The following SEC16B variants were observed in gnomAD, a reference collection of about 807,000 sequenced individuals.
SEC16B encodes the protein SEC16 homolog B, endoplasmic reticulum export factor, also known as protein transport protein Sec16B.
A neutral mutation model predicts 141.8 loss-of-function variants in SEC16B; 115 were observed. The ratio of observed to expected loss-of-function variants is 0.81; its 90% confidence interval spans 0.70 to 0.95. The LOEUF is 0.95. Among genes scored for constraint, SEC16B ranks in the 40% least tolerant of loss-of-function variants. The pLI, the probability that SEC16B is intolerant of heterozygous loss-of-function variation, is 0.00. For missense variants in SEC16B, 1,291 were observed against 1,312.3 expected, an observed-to-expected ratio of 0.98 and a Z score of 0.25; for synonymous variants, 493 against 492.5, an observed-to-expected ratio of 1.00 and a Z score of -0.01.
At chr1:177,932,844 T>C (rs769613501) in intron 22 of SEC16B, 38 bp from the exon 23 acceptor site, 1 of 1,565,142 alleles carries the variant, frequency 6.4e-7, no homozygotes, top group South Asian at 1.2e-5. Context: ...TTGGCAACAT[T>C]GGCAGTTAAC....
At chr1:177,942,775 G>A (rs1260258979) in intron 15 of SEC16B, among the ~76,000 whole-genome samples, 1 of 152,140 alleles carries the variant, frequency 6.6e-6, no homozygotes, top group Non-Finnish European at 1.5e-5. Flanking sequence ...GGCAGGGCAG[G>A]ATCAAGTGTG....
At chr1:177,980,899 T>C (rs1654382860) in intron 1 of SEC16B, among the ~76,000 whole-genome samples, 1 of 151,914 alleles carries the variant, frequency 6.6e-6, no homozygotes, top group Non-Finnish European at 1.5e-5. Context: ...ACAGACATGA[T>C]GAGGGCTAAG....
At chr1:177,953,002 C>CTTT in intron 11 of SEC16B, among the ~76,000 whole-genome samples, 2 of 99,176 alleles carry the variant, frequency 2.0e-5, no homozygotes, top group East Asian at 8.1e-4. Context: ...ATGGAAGTGT[C>CTTT]ATTTTTTTTT....
intron 1 of SEC16B, among the ~76,000 whole-genome samples, chr1:177,979,670 T>C (rs960941885): frequency 6.6e-6 from 1 of 152,224 alleles, no homozygotes; most frequent in Non-Finnish European, 1.5e-5. Context: ...CTGATAAAGA[T>C]ATACCCAAGC....
rs553253834 is a variant in SEC16B at position 177,940,085 on chromosome 1, TA to T, written c.2128-309del. Among the ~76,000 whole-genome samples the T allele has an allele frequency of 2.8e-3, 430 of 152,234 alleles. 3 individuals carry two copies. The highest frequency in any genetic ancestry group is 7.6e-3 in the Admixed American group (116 of 15,288). ...GAAGGGGTAGAGGCTGTGTGTGCTT[TA>T]AAAAATCCACCCTGTCTTTTCTTCA... On this transcript the variant is annotated intron_variant, in intron 17 of 25. Coordinates refer to ENST00000308284, the MANE Select transcript of SEC16B (RefSeq NM_033127.4).
chr1:177,936,216 T>C (rs536796003), intron 20 of SEC16B, 82 bp downstream of exon 20: 13 of 1,088,656 alleles, frequency 1.2e-5, no homozygotes, highest in Admixed American at 8.0e-5. Context: ...GGAGCTTGCA[T>C]GTGGCTGGGA....
chr1:177,933,253 G>T lies in SEC16B; in HGVS notation c.2784C>A (p.Pro928=). Residue 928 remains proline, a synonymous_variant, in exon 22 of 26, where the codon CCC becomes CCA. Transcript: ENST00000308284. ...FRSKPTKNAS[P]AGDEDSSDSP... ...TGTCTGAGGAGTCCTCGTCTCCAGCGGGGGATGCGTTCTTGGTGGGCTTCG... is the reference window on the plus strand; with the variant it reads ...TGTCTGAGGAGTCCTCGTCTCCAGCTGGGGATGCGTTCTTGGTGGGCTTCG... The T allele has an allele frequency of 6.3e-7, 1 of 1,597,392 alleles. No individual in the cohort carries two copies. Among genetic ancestry groups the T allele is most frequent in the Non-Finnish European group, 8.5e-7 (1 of 1,171,756 alleles).
chr1:177,946,489 A>G lies in SEC16B; in HGVS notation c.1706T>C (p.Met569Thr), dbSNP rs889765531. The G allele has an allele frequency of 4.4e-6, 7 of 1,585,324 alleles. No individual in the cohort carries two copies. The highest frequency in any genetic ancestry group is 6.0e-6 in the Non-Finnish European group (7 of 1,166,384). ...GTAGTGGCCAAAGGGCACGTGAGCC[A>G]TGAGATAGCAGAAGTGAGCTGCCTC... ...LVEAAHFCYLMAHVPFGHYTV... is the reference protein window; with the variant it reads ...LVEAAHFCYLTAHVPFGHYTV... The change falls in exon 14 of 26, where the codon ATG (methionine) becomes ACG (threonine). Residue 569 changes from methionine to threonine, a missense_variant. This residue lies in a region of SEC16B where 605 missense variants were observed against 614.1 expected (regional missense o/e 0.99). Coordinates refer to ENST00000308284, the MANE Select transcript of SEC16B (RefSeq NM_033127.4).
rs116746965 is a variant in SEC16B, at chr1:177,958,199, G to C, written c.1298C>G (p.Pro433Arg). 51 of 1,597,976 alleles carry C rather than the reference G, an allele frequency of 3.2e-5. No individual in the cohort carries two copies. The highest frequency in any genetic ancestry group is 1.1e-4 in the African/African-American group (8 of 74,494). ...GATCTGCGCAGGTGTCTCCACACTG[G>C]GGGGGATCTCTCCCGTGAGCAGGTT... is the stretch of plus-strand genomic sequence containing the variant. Reference protein sequence around the residue: ...TPNLLTGEIPPSVETPAQIVE... With the variant: ...TPNLLTGEIPRSVETPAQIVE... The change falls in exon 10 of 26, where the codon CCC becomes CGC. Residue 433 changes from proline (P) to arginine (R), a missense_variant. Pro to Arg is a moderately radical substitution (Grantham distance 103). Coordinates refer to ENST00000308284, the MANE Select transcript of SEC16B (RefSeq NM_033127.4).
At chr1:177,958,476 T>G (rs1652803866) in intron 9 of SEC16B, 114 bp from the exon 10 acceptor site, 1 of 775,874 alleles carries the variant, frequency 1.3e-6, no homozygotes, top group African/African-American at 1.8e-5. Context: ...AAGCCAATTA[T>G]GCAAACATAA....
At chr1:177,971,484 A>G (rs1039160646), upstream of SEC16B, 1 of 152,244 alleles carries the variant, frequency 6.6e-6, no homozygotes, top group African/African-American at 2.4e-5. Context: ...AAGAACATGC[A>G]CATTAACAGC....
At chr1:177,940,549 G>C (rs2101918402) in intron 17 of SEC16B, 61 bp downstream of exon 17, 1 of 1,179,328 alleles carries the variant, frequency 8.5e-7, no homozygotes, top group East Asian at 2.4e-5. Flanking sequence ...TCCATGTCTA[G>C]GGGTGGGAAG....
rs559062917 is a variant in SEC16B, at chr1:177,968,091, C to G, written c.-58-52G>C. The G allele has an allele frequency of 6.0e-4, 659 of 1,104,302 alleles. 3 individuals carry two copies. Among genetic ancestry groups the G allele is most frequent in the Middle Eastern group, 5.0e-3 (16 of 3,222 alleles). The allele number at this position is 1,104,302 out of a possible 1,614,324, so 68.4% of individuals were successfully genotyped here. ...TCATCACTTGAAGCCTATATCCAAACATAGTGGTTGATTAGGTTTTGTGAA... is the reference window on the plus strand; with the variant it reads ...TCATCACTTGAAGCCTATATCCAAAGATAGTGGTTGATTAGGTTTTGTGAA... On this transcript the variant is annotated intron_variant, in intron 1 of 25. Coordinates refer to ENST00000308284, the MANE Select transcript of SEC16B (RefSeq NM_033127.4).
chr1:177,944,197 T>G (rs1231767429), intron 15 of SEC16B, among the ~76,000 whole-genome samples: 1 of 151,942 alleles, frequency 6.6e-6, no homozygotes, highest in African/African-American at 2.4e-5. Flanking sequence ...GCGCTCCCAC[T>G]CCCTCCCACA....
In SEC16B at chr1:177,936,304, T is replaced by C; in HGVS notation, c.2565A>G (p.Lys855=). 1 of 1,609,858 alleles carries C rather than the reference T, an allele frequency of 6.2e-7. No individual in the cohort carries two copies. Among genetic ancestry groups the C allele is most frequent in the Non-Finnish European group, 8.5e-7 (1 of 1,178,272 alleles). ...TTATGCTGTGCGCTCTCACCTGTGG[T>C]TTGGAAATGACCTCTTGGCCATCAG... ...QPPDGQEVIS[K]PQTPLAARPR... Residue 855 remains lysine, a synonymous_variant, in exon 20 of 26, where the codon AAA becomes AAG. Coordinates refer to ENST00000308284, the MANE Select transcript of SEC16B (RefSeq NM_033127.4).
chr1:177,946,029 T>G, intron 14 of SEC16B: 1 of 403,880 alleles, frequency 2.5e-6, no homozygotes, highest in East Asian at 4.0e-5. Flanking sequence ...TTTCCAGTTT[T>G]GCCTGGGTAG....
At chr1:177,949,610 C>A (rs1046294540) in intron 12 of SEC16B, among the ~76,000 whole-genome samples, 8 of 152,084 alleles carry the variant, frequency 5.3e-5, no homozygotes, top group African/African-American at 1.9e-4. Flanking sequence ...TTCAGATGTT[C>A]TCTCTCCCTT....
At chr1:177,942,318 A>G (rs1250071695) in intron 15 of SEC16B, among the ~76,000 whole-genome samples, 1 of 152,214 alleles carries the variant, frequency 6.6e-6, no homozygotes, top group African/African-American at 2.4e-5. Flanking sequence ...GTCCTTATTT[A>G]TTGGGTAGCC....
chr1:177,965,954 C>A lies in SEC16B; in HGVS notation c.351G>T (p.Glu117Asp). 1 of 1,599,170 alleles carries A rather than the reference C, an allele frequency of 6.3e-7. No individual in the cohort carries two copies. Among genetic ancestry groups the A allele is most frequent in the East Asian group, 2.2e-5 (1 of 44,530 alleles). The stretch of plus-strand genomic sequence containing the variant: ...AGTAATAACTTCCATAAGCATATTC[C>A]TCCCTCATTGTGGGAGACTGATAGC... ...YQSYQSPTMREEYAYGSYYYH... is the reference protein window; with the variant it reads ...YQSYQSPTMRDEYAYGSYYYH... The change falls in exon 3 of 26, where the codon GAG (glutamate) becomes GAT (aspartate). Residue 117 changes from glutamate (E) to aspartate (D), a missense_variant. Around this residue, in one of 3 missense-constraint regions of SEC16B, gnomAD observed 681 missense variants for 675.5 expected, o/e 1.01. Coordinates refer to ENST00000308284, the MANE Select transcript of SEC16B (RefSeq NM_033127.4).
Sources: gnomAD v4.1 joint callset for allele counts (sites outside exome capture counted in the v4.1 genomes callset) on GRCh38, gnomAD v4.1.1 for gene constraint, gnomAD v4.1.1 regional missense constraint, MANE v1.5 for transcripts, NCBI Gene and HGNC (gene_info 2026-07-23, HGNC 2026-07-21) for gene names.